The following PPP2R3C variants were observed in gnomAD, a reference collection of about 807,000 sequenced individuals.
PPP2R3C encodes the protein protein phosphatase 2 regulatory subunit B''gamma.
A neutral mutation model predicts 63.7 loss-of-function variants in PPP2R3C; 47 were observed. The observed-to-expected ratio is 0.74, with a 90% CI of 0.58 to 0.94. PPP2R3C has a LOEUF of 0.94. Ranked by LOEUF, PPP2R3C falls within the 40% of genes least tolerant of loss-of-function variation. PPP2R3C has a pLI of 0.00. For synonymous variants in PPP2R3C, 180 were observed against 177.4 expected, an observed-to-expected ratio of 1.01 and a Z score of -0.12; for missense variants, 421 against 518.4, an observed-to-expected ratio of 0.81 and a Z score of 1.82.
intron 4 of PPP2R3C, among the ~76,000 whole-genome samples, chr14:35,108,834 T>C (rs1017391475): frequency 1.3e-5 from 2 of 151,966 alleles, no homozygotes; most frequent in African/African-American, 2.4e-5. Context: ...GATCTCGAAC[T>C]CCTGGCCTCA....
intron 10 of PPP2R3C, among the ~76,000 whole-genome samples, chr14:35,091,514 T>C (rs1442212585): frequency 2.6e-5 from 4 of 151,294 alleles, no homozygotes; most frequent in Admixed American, 2.6e-4. Context: ...ATTACAGGCA[T>C]GTGCCACCAT....
At chr14:35,118,904 A>C (rs2046781247) in intron 1 of PPP2R3C, among the ~76,000 whole-genome samples, 2 of 151,842 alleles carry the variant, frequency 1.3e-5, no homozygotes, top group South Asian at 4.2e-4. Context: ...CACCCACTTC[A>C]GCCTCCCAAA....
intron 11 of PPP2R3C, 45 bp from the exon 12 acceptor site, chr14:35,088,055 C>T (rs1302606717): frequency 1.2e-5 from 16 of 1,367,858 alleles, no homozygotes; most frequent in Non-Finnish European, 1.7e-5. Context: ...ATGAAATACA[C>T]AACATCCCTC....
chr14:35,088,081 C>T (rs937344499), intron 11 of PPP2R3C, 71 bp from the exon 12 acceptor site: 27 of 1,055,714 alleles, frequency 2.6e-5, no homozygotes, highest in Non-Finnish European at 8.8e-6. Context: ...CCCTACAACC[C>T]CTTTCTACTT....
In PPP2R3C at chr14:35,096,784, C is replaced by A; in HGVS notation, c.707-20G>T. The A allele has an allele frequency of 6.5e-7, 1 of 1,547,616 alleles. No homozygotes were observed. Among genetic ancestry groups the A allele is most frequent in the South Asian group, 1.2e-5 (1 of 82,214 alleles). Reference sequence around the variant, plus strand: ...TCTTTCCTTTAAGAACATAAAGAAACACAATTAATTTCATTTTAAGAAAAG... The same window carrying A: ...TCTTTCCTTTAAGAACATAAAGAAAAACAATTAATTTCATTTTAAGAAAAG... On this transcript the variant is annotated intron_variant, in intron 7 of 12. Transcript: ENST00000261475.
intron 12 of PPP2R3C, 80 bp from the exon 13 acceptor site, chr14:35,085,858 T>G (rs1344067330): frequency 7.9e-6 from 9 of 1,141,222 alleles, no homozygotes; most frequent in Non-Finnish European, 1.1e-5. Flanking sequence ...TCAGGGCTGT[T>G]TGCATCCACT....
In PPP2R3C at chr14:35,101,387, G is replaced by A. The variant is rs2046185549; in HGVS notation, c.574-2003C>T. The A allele has an allele frequency of 2.0e-5, 3 of 152,182 alleles. 1 individual carries two copies. The highest frequency in any genetic ancestry group is 1.3e-4 in the Admixed American group (2 of 15,274). The allele number at this position is 152,182 out of a possible 1,614,324, so 9.4% of individuals were successfully genotyped here. A position where few individuals can be genotyped will look rare whatever the true frequency, so the allele number is the denominator to read the frequency against. On this transcript the variant is annotated intron_variant, in intron 6 of 12. Transcript: ENST00000261475. ...AGGAAATGAGGAGGGCAAGTGTCCA[G>A]TCTAATTCCCAGGTTTAAGTAGTTG...
intron 6 of PPP2R3C, among the ~76,000 whole-genome samples, chr14:35,104,272 G>A (rs1429606005): frequency 1.3e-5 from 2 of 151,990 alleles, no homozygotes; most frequent in Non-Finnish European, 2.9e-5. Context: ...ACCTTAAAGA[G>A]AACTGTAGTG....
At chr14:35,095,591 G>T (rs1394604009) in intron 9 of PPP2R3C, among the ~76,000 whole-genome samples, 1 of 151,734 alleles carries the variant, frequency 6.6e-6, no homozygotes, top group Non-Finnish European at 1.5e-5. Context: ...GGTAATCCCA[G>T]CACTTTGGGA....
intron 2 of PPP2R3C, among the ~76,000 whole-genome samples, chr14:35,112,399 A>C (rs1040735429): frequency 1.3e-5 from 2 of 152,176 alleles, no homozygotes. Flanking sequence ...CACCACACCC[A>C]GCCAGAATAA....
chr14:35,103,037 G>A (rs1052434449), intron 6 of PPP2R3C, among the ~76,000 whole-genome samples: 39 of 152,080 alleles, frequency 2.6e-4, no homozygotes, highest in Non-Finnish European at 4.1e-4. Flanking sequence ...CTGGGATTAC[G>A]GGCATGAGCC....
chr14:35,106,134 C>G (rs1005246346), intron 6 of PPP2R3C, among the ~76,000 whole-genome samples: 1 of 151,896 alleles, frequency 6.6e-6, no homozygotes, highest in African/African-American at 2.4e-5. Context: ...CGTGAGCCAC[C>G]ACGCCCGGCA....
intron 5 of PPP2R3C, 62 bp downstream of exon 5, chr14:35,108,077 C>T: frequency 6.3e-7 from 1 of 1,575,420 alleles, no homozygotes; most frequent in Non-Finnish European, 8.6e-7. Context: ...CTTATAAAAG[C>T]ACAGACCAAA....
chr14:35,100,959 T>G (rs927458814), intron 6 of PPP2R3C: 1 of 152,114 alleles, frequency 6.6e-6, no homozygotes, highest in Non-Finnish European at 1.5e-5. Context: ...ATTTTTTAAA[T>G]CACCAAAATG....
intron 1 of PPP2R3C, among the ~76,000 whole-genome samples, chr14:35,119,114 C>T (rs1454798525): frequency 2.0e-5 from 3 of 150,844 alleles, no homozygotes; most frequent in East Asian, 1.9e-4. Context: ...CTCAGCTCAC[C>T]GCAACTTCTG....
At chr14:35,097,129 C>A (rs571502534) in intron 7 of PPP2R3C, among the ~76,000 whole-genome samples, 2 of 151,946 alleles carry the variant, frequency 1.3e-5, no homozygotes, top group Non-Finnish European at 2.9e-5. Flanking sequence ...GCAGGAGAAT[C>A]GCTTGAACCT....
chr14:35,094,047 T>C (rs1488155332), intron 10 of PPP2R3C, among the ~76,000 whole-genome samples: 16 of 152,230 alleles, frequency 1.1e-4, no homozygotes, highest in Admixed American at 1.0e-3. Context: ...GCTGTTCATA[T>C]AGCCACTTCT....
Position 35,091,198 on chromosome 14 carries a change from T to A in PPP2R3C, c.985A>T (p.Thr329Ser). The stretch of plus-strand genomic sequence containing the variant: ...AATGCAAGGACAAAGTCCAAGTAGG[T>A]CTTATAGTCCTACAGAACAGAAAAT... ...LTYDGEMDYK[T>S]YLDFVLALEN... The change falls in exon 11 of 13, where the codon ACC (threonine) becomes TCC (serine). Residue 329 changes from threonine to serine, a missense_variant. Transcript: ENST00000261475. 1 of 1,608,206 alleles carries A rather than the reference T, an allele frequency of 6.2e-7. No homozygotes were observed. The highest frequency in any genetic ancestry group is 8.5e-7 in the Non-Finnish European group (1 of 1,177,792).
intron 6 of PPP2R3C, chr14:35,099,609 GA>G (rs1411702617): frequency 2.3e-6 from 1 of 438,746 alleles, no homozygotes; most frequent in Non-Finnish European, 3.7e-6. Context: ...AGGGAACAAA[GA>G]TATTGATTAA....
Sources: allele counts gnomAD v4.1 joint callset (sites outside exome capture counted in the v4.1 genomes callset), GRCh38; gene constraint gnomAD v4.1.1; transcripts MANE v1.5; gene names NCBI Gene and HGNC (gene_info 2026-07-23, HGNC 2026-07-21).